The following MARCHF1 variants were observed in gnomAD, a reference collection of about 807,000 sequenced individuals.
MARCHF1 encodes membrane associated ring-CH-type finger 1.
MARCHF1 carries 40 observed loss-of-function variants against 54.2 expected under a neutral mutation model. That is an observed-to-expected ratio of 0.74 (90% CI 0.57 to 0.96). The LOEUF (loss-of-function observed/expected upper bound fraction) is 0.96. MARCHF1 is among the 40% of genes least tolerant of loss of function. MARCHF1 has a pLI of 0.00. For synonymous variants in MARCHF1, 236 were observed against 236.3 expected (o/e 1.00, Z 0.01); for missense variants, 586 against 656.5 (o/e 0.89, Z 1.17).
intron 4 of MARCHF1, among the ~76,000 whole-genome samples, chr4:163,793,794 C>G (rs1747834965): frequency 6.6e-6 from 1 of 152,124 alleles, no homozygotes; most frequent in South Asian, 2.1e-4. Context: ...CATGCAGCCC[C>G]CAGTCACGTA....
intron 2 of MARCHF1, among the ~76,000 whole-genome samples, chr4:164,028,659 C>T (rs1244899751): frequency 2.0e-5 from 3 of 152,094 alleles, no homozygotes; most frequent in East Asian, 1.9e-4. Flanking sequence ...GATCCATACC[C>T]CTAACCTCAA....
At chr4:163,566,945 T>C (rs1340950769) in intron 8 of MARCHF1, among the ~76,000 whole-genome samples, 3 of 152,200 alleles carry the variant, frequency 2.0e-5, no homozygotes, top group African/African-American at 7.2e-5. Flanking sequence ...TACTACGTTC[T>C]TCTACCTTAT....
At chr4:163,986,860 A>ATTTCTGGCGAAGACCTGGAAT (rs1560849565) in intron 3 of MARCHF1, among the ~76,000 whole-genome samples, 1 of 152,168 alleles carries the variant, frequency 6.6e-6, no homozygotes, top group East Asian at 1.9e-4. Flanking sequence ...ACAGAAAGAG[A>ATTTCTGGCGAAGACCTGGAAT]TTTCTGGCGA....
chr4:163,560,306 G>A (rs1349633025), intron 8 of MARCHF1, among the ~76,000 whole-genome samples: 1 of 152,122 alleles, frequency 6.6e-6, no homozygotes, highest in Non-Finnish European at 1.5e-5. Context: ...TTTCCCTGCT[G>A]AATTGCTTTA....
At chr4:163,567,453 A>C (rs1203656797) in intron 8 of MARCHF1, among the ~76,000 whole-genome samples, 1 of 152,100 alleles carries the variant, frequency 6.6e-6, no homozygotes, top group Non-Finnish European at 1.5e-5. Flanking sequence ...AACCAAGATG[A>C]TATGGTTTGC....
At position 164,109,150 on chromosome 4, in the gene MARCHF1, T is replaced by C. The variant is rs1345690597; in HGVS notation, c.-248+2438A>G. On this transcript the variant is annotated intron_variant, in intron 2 of 9. Coordinates refer to ENST00000514618, the MANE Select transcript of MARCHF1 (RefSeq NM_001394959.1). Reference sequence around the variant, plus strand: ...TCCAGAAAAGCAAAGCCACTGTTGATTGAAGTGATAAAGCTAATGACCTAT... The same window carrying C: ...TCCAGAAAAGCAAAGCCACTGTTGACTGAAGTGATAAAGCTAATGACCTAT... Among the ~76,000 whole-genome samples, 8 of 152,188 alleles carry C rather than the reference T, an allele frequency of 5.3e-5. No homozygotes were observed. In the South Asian group the frequency reaches 1.2e-3, roughly 24 times the overall value.
At position 163,738,855 on chromosome 4, in the gene MARCHF1, T is replaced by G. The variant is rs76184057; in HGVS notation, c.112-37992A>C. Among the ~76,000 whole-genome samples, 1,295 of 152,286 alleles carry G rather than the reference T, an allele frequency of 8.5e-3. 13 individuals carry two copies. Among genetic ancestry groups the G allele is most frequent in the East Asian group, 0.065 (338 of 5,178 alleles). The stretch of plus-strand genomic sequence containing the variant: ...TACAAACTACTTCAAACATCATAAA[T>G]ATCCTAAATTCTTAGGCCAGCAACT... On this transcript the variant is annotated intron_variant, in intron 4 of 9. Coordinates refer to ENST00000514618, the MANE Select transcript of MARCHF1 (RefSeq NM_001394959.1).
At chr4:164,084,713 T>C (rs530671175) in intron 2 of MARCHF1, among the ~76,000 whole-genome samples, 77 of 111,492 alleles carry the variant, frequency 6.9e-4, no homozygotes, top group African/African-American at 2.0e-3. Flanking sequence ...TAAGAAACAC[T>C]GCAAAGTAAG....
At chr4:163,658,294 G>A (rs1318235437) in intron 5 of MARCHF1, among the ~76,000 whole-genome samples, 4 of 151,872 alleles carry the variant, frequency 2.6e-5, no homozygotes, top group Middle Eastern at 3.4e-3. Context: ...GCCAATAAAC[G>A]TGAAAAAAAG....
At chr4:164,151,780 A>G (rs924864106) in intron 1 of MARCHF1, among the ~76,000 whole-genome samples, 1 of 151,916 alleles carries the variant, frequency 6.6e-6, no homozygotes, top group Non-Finnish European at 1.5e-5. Context: ...AACTCAGCCC[A>G]CGCCCCCCCC....
chr4:164,157,357 C>A (rs538096615), intron 1 of MARCHF1, among the ~76,000 whole-genome samples: 2 of 152,092 alleles, frequency 1.3e-5, no homozygotes, highest in African/African-American at 4.8e-5. Flanking sequence ...CACGATTAAA[C>A]AAAATATTTT....
chr4:163,640,978 T>A (rs1265095908), intron 5 of MARCHF1, among the ~76,000 whole-genome samples: 1 of 151,954 alleles, frequency 6.6e-6, no homozygotes, highest in East Asian at 1.9e-4. Context: ...CTTCATAATA[T>A]TAGTCTCAGT....
At chr4:163,857,474 C>T (rs534790112) in intron 3 of MARCHF1, among the ~76,000 whole-genome samples, 3 of 152,176 alleles carry the variant, frequency 2.0e-5, no homozygotes, top group Admixed American at 2.0e-4. Flanking sequence ...ATGTAAGTAT[C>T]ATTAGTAATA....
chr4:164,342,895 G>A (rs1418559333), intron 1 of MARCHF1, among the ~76,000 whole-genome samples: 2 of 152,166 alleles, frequency 1.3e-5, no homozygotes, highest in Middle Eastern at 3.4e-3. Flanking sequence ...GGAACAGAAA[G>A]ACAAATGATG....
chr4:163,992,520 A>T (rs1752986895), intron 2 of MARCHF1, among the ~76,000 whole-genome samples: 1 of 151,976 alleles, frequency 6.6e-6, no homozygotes, highest in African/African-American at 2.4e-5. Context: ...TGCTTGGTAG[A>T]CATAAGGTGA....
intron 2 of MARCHF1, among the ~76,000 whole-genome samples, chr4:163,989,546 A>C (rs553054857): frequency 7.0e-4 from 107 of 152,302 alleles, no homozygotes; most frequent in Non-Finnish European, 1.3e-3. Flanking sequence ...TCCATAAAGG[A>C]AACAGACTTT....
At chr4:164,381,926 T>G (rs1460070256) in intron 1 of MARCHF1, among the ~76,000 whole-genome samples, 1 of 152,158 alleles carries the variant, frequency 6.6e-6, no homozygotes. Flanking sequence ...AAAAAAACTG[T>G]ATCACAGAAG....
At position 163,847,375 on chromosome 4, in the gene MARCHF1, A is replaced by T. The variant is rs1331279888; in HGVS notation, c.111+6646T>A. Among the ~76,000 whole-genome samples, 6 of 152,080 alleles carry T rather than the reference A, an allele frequency of 3.9e-5. No individual in the cohort carries two copies. In the East Asian group the frequency reaches 1.2e-3, roughly 29 times the overall value. ...AAGGTATTTGGTTCAGTAGCTGAAAATTTGACTTGCAAAACATGTATTATC... is the reference window on the plus strand; with the variant it reads ...AAGGTATTTGGTTCAGTAGCTGAAATTTTGACTTGCAAAACATGTATTATC... On this transcript the variant is annotated intron_variant, in intron 4 of 9. Transcript: ENST00000514618.
intron 4 of MARCHF1, among the ~76,000 whole-genome samples, chr4:163,740,144 A>G (rs1200384165): frequency 6.6e-6 from 1 of 152,192 alleles, no homozygotes; most frequent in Non-Finnish European, 1.5e-5. Context: ...GCTCTTGATA[A>G]GACAGATGGC....
Sources: gnomAD v4.1 joint callset for allele counts (sites outside exome capture counted in the v4.1 genomes callset) on GRCh38, gnomAD v4.1.1 for gene constraint, MANE v1.5 for transcripts, NCBI Gene and HGNC (gene_info 2026-07-23, HGNC 2026-07-21) for gene names.